The following RP1 variants were observed in gnomAD, a reference collection of about 807,000 sequenced individuals.
The protein encoded by RP1 is oxygen-regulated protein 1.
Under a neutral mutation model 14.8 loss-of-function variants are expected in RP1, and 16 were observed. The ratio of observed to expected loss-of-function variants is 1.08; its 90% CI spans 0.73 to 1.65. The LOEUF is 1.65. Ranked by LOEUF, RP1 falls within the 40% of genes most tolerant of loss-of-function variation. The pLI, the probability that RP1 is intolerant of heterozygous loss-of-function variation, is 0.00. For synonymous variants in RP1, 876 were observed against 883.6 expected, an observed-to-expected ratio of 0.99 and a Z score of 0.15; for missense variants, 2,631 against 2,535.0, an observed-to-expected ratio of 1.04 and a Z score of -0.81.
chr8:54,646,074 G>T (rs1404063817), intron 3 of RP1, among the ~76,000 whole-genome samples: 1 of 151,992 alleles, frequency 6.6e-6, no homozygotes, highest in Non-Finnish European at 1.5e-5. Flanking sequence ...ATATTACAAA[G>T]ACTTAGAATT....
chr8:54,643,104 A>C lies in RP1; in HGVS notation c.788-5881A>C, dbSNP rs1806481878. 2.6e-5 allele frequency among the ~76,000 whole-genome samples: 4 copies of C among 152,282 alleles called. No individual in the cohort carries two copies. The South Asian group carries it at 8.3e-4, about 32-fold the overall frequency. The stretch of plus-strand genomic sequence containing the variant: ...TGATTGTATGAATTATTTGCAAATA[A>C]AGGAAATTTGTCCTTTTTCATTTGT... On this transcript the variant is annotated intron_variant, in intron 3 of 22. Coordinates refer to the RP1 transcript ENST00000636932.
chr8:54,787,573 G>C (rs776409559), intron 24 of RP1, among the ~76,000 whole-genome samples: 1 of 151,896 alleles, frequency 6.6e-6, no homozygotes, highest in African/African-American at 2.4e-5. Context: ...AATTTAGTTC[G>C]GCTTTTTATT....
At chr8:54,799,850 C>G (rs1013392175) in intron 24 of RP1, among the ~76,000 whole-genome samples, 1 of 151,830 alleles carries the variant, frequency 6.6e-6, no homozygotes, top group Non-Finnish European at 1.5e-5. Flanking sequence ...TATATAATAA[C>G]TGATTTTATT....
intron 12 of RP1, among the ~76,000 whole-genome samples, chr8:54,684,935 AC>A (rs1807523118): frequency 6.6e-6 from 1 of 152,160 alleles, no homozygotes; most frequent in Non-Finnish European, 1.5e-5. Flanking sequence ...TGGGGGCTGA[AC>A]ATGAGAACAC....
intron 21 of RP1, among the ~76,000 whole-genome samples, chr8:54,756,126 GCCAT>G (rs1809499813): frequency 6.6e-6 from 1 of 152,164 alleles, no homozygotes; most frequent in Non-Finnish European, 1.5e-5. Flanking sequence ...CCATAGAAAT[GCCAT>G]TATACTATAT....
chr8:54,842,886 C>T (rs1332082911), intron 25 of RP1, among the ~76,000 whole-genome samples: 3 of 152,168 alleles, frequency 2.0e-5, no homozygotes, highest in Non-Finnish European at 4.4e-5. Context: ...CCGTCTTCTA[C>T]CACAGGCCTT....
intron 15 of RP1, among the ~76,000 whole-genome samples, chr8:54,707,624 G>A (rs1295028637): frequency 5.3e-5 from 8 of 152,106 alleles, no homozygotes; most frequent in African/African-American, 9.7e-5. Context: ...TCTGAGGTCC[G>A]CCCTCTCCCT....
intron 4 of RP1, among the ~76,000 whole-genome samples, chr8:54,651,889 TCTG>T (rs1282877257): frequency 6.6e-6 from 1 of 152,178 alleles, no homozygotes; most frequent in Non-Finnish European, 1.5e-5. Flanking sequence ...CCCTCAGAGC[TCTG>T]CTTTTTCCAT....
rs769786870 is a variant in RP1 at position 54,628,275 on chromosome 8, T to C, written c.4393T>C (p.Leu1465=). The C allele has an allele frequency of 3.2e-5, 52 of 1,613,892 alleles. No individual in the cohort carries two copies. In the South Asian group the frequency reaches 4.1e-4, roughly 13 times the overall value. The part of the protein sequence containing the change: ...MTSSERNISE[L]ESFEELENHD... ...ATCAAGTGAAAGAAACATTTCAGAA[T>C]TGGAATCTTTTGAAGAATTAGAAAA... is the stretch of plus-strand genomic sequence containing the variant. The change falls in exon 4 of 4, where the codon TTG becomes CTG. Residue 1465 remains leucine, a synonymous_variant. Transcript: ENST00000220676.
intron 24 of RP1, among the ~76,000 whole-genome samples, chr8:54,821,420 T>C (rs1811254119): frequency 6.6e-6 from 1 of 152,216 alleles, no homozygotes; most frequent in African/African-American, 2.4e-5. Context: ...TGAATGTATT[T>C]ACACTGATTT....
intron 25 of RP1, chr8:54,852,535 A>T: frequency 6.7e-6 from 8 of 1,202,026 alleles, no homozygotes; most frequent in Non-Finnish European, 8.3e-6. Flanking sequence ...AGAGATAAAT[A>T]AAAATGAGAA....
chr8:54,560,010 G>A (rs900722661), intron 1 of RP1, among the ~76,000 whole-genome samples: 1 of 152,174 alleles, frequency 6.6e-6, no homozygotes, highest in African/African-American at 2.4e-5. Context: ...TTTTCATGTT[G>A]AATTAGTAAC....
At chr8:54,586,482 T>A (rs1804926310) in intron 1 of RP1, among the ~76,000 whole-genome samples, 1 of 152,156 alleles carries the variant, frequency 6.6e-6, no homozygotes, top group South Asian at 2.1e-4. Flanking sequence ...CATTGTCAGA[T>A]CTCCAGTTGT....
chr8:54,866,600 C>T (rs1401800060), intron 28 of RP1, among the ~76,000 whole-genome samples: 1 of 152,090 alleles, frequency 6.6e-6, no homozygotes, highest in African/African-American at 2.4e-5. Flanking sequence ...AGTTAAGTTC[C>T]CTCCATTATT....
intron 24 of RP1, among the ~76,000 whole-genome samples, chr8:54,834,821 A>G (rs1033966779): frequency 2.6e-5 from 4 of 152,038 alleles, no homozygotes; most frequent in Non-Finnish European, 5.9e-5. Context: ...TTGAAGGGCA[A>G]TCAATATGTA....
At chr8:54,621,850 T>A (rs749733434) in intron 2 of RP1, among the ~76,000 whole-genome samples, 2 of 152,168 alleles carry the variant, frequency 1.3e-5, no homozygotes, top group African/African-American at 4.8e-5. Flanking sequence ...CTTGATAATA[T>A]TTTTTGGAAA....
intron 24 of RP1, among the ~76,000 whole-genome samples, chr8:54,802,404 A>T (rs543840405): frequency 6.6e-6 from 1 of 152,374 alleles, no homozygotes; most frequent in Non-Finnish European, 1.5e-5. Flanking sequence ...AATGTTAAGC[A>T]TTTGAGAATA....
intron 19 of RP1, among the ~76,000 whole-genome samples, chr8:54,751,624 C>A (rs1809373023): frequency 6.6e-6 from 1 of 152,170 alleles, no homozygotes; most frequent in Admixed American, 6.5e-5. Context: ...AAGACATAAA[C>A]CAAGGTCTTT....
At chr8:54,643,900 T>C (rs1460397986) in intron 3 of RP1, among the ~76,000 whole-genome samples, 1 of 152,160 alleles carries the variant, frequency 6.6e-6, no homozygotes, top group Admixed American at 6.5e-5. Flanking sequence ...CCCCCAATAA[T>C]TCACATCCTT....
Sources: gnomAD v4.1 joint callset for allele counts (sites outside exome capture counted in the v4.1 genomes callset) on GRCh38, gnomAD v4.1.1 for gene constraint, MANE v1.5 for transcripts, NCBI Gene and HGNC (gene_info 2026-07-23, HGNC 2026-07-21) for gene names.